Variants in RBFOX1 observed in about 807,000 individuals in gnomAD.
The protein encoded by RBFOX1 is RNA binding fox-1 homolog 1, also known as RNA binding protein fox-1 homolog 1.
In RBFOX1, 8 loss-of-function variants were observed where a neutral mutation model predicts 57.7. That is an observed-to-expected ratio of 0.14 (90% CI 0.08 to 0.25). The LOEUF is 0.25. Among genes scored for constraint, RBFOX1 ranks in the 10% least tolerant of loss-of-function variants. The pLI, the probability that RBFOX1 is intolerant of heterozygous loss-of-function variation, is 1.00. For missense variants in RBFOX1, 611 were observed against 548.5 expected, an observed-to-expected ratio of 1.11 and a Z score of -1.14; for synonymous variants, 326 against 222.4, an observed-to-expected ratio of 1.47 and a Z score of -4.15.
intron 4 of RBFOX1, among the ~76,000 whole-genome samples, chr16:7,272,395 G>A (rs1039662102): frequency 3.9e-5 from 6 of 152,086 alleles, no homozygotes; most frequent in African/African-American, 1.4e-4. Context: ...ATGTTGGCCA[G>A]GTTGGGCTTG....
In RBFOX1 at chr16:7,437,626, C is replaced by G. The variant is rs112593154; in HGVS notation, c.28-80521C>G. On this transcript the variant is annotated intron_variant, in intron 4 of 15. Transcript: ENST00000550418. Reference sequence around the variant, plus strand: ...AAAAATGGCTTTTATAACATAAAGGCTGTAATTAGAATAAGTCAAATCAGT... The same window carrying G: ...AAAAATGGCTTTTATAACATAAAGGGTGTAATTAGAATAAGTCAAATCAGT... Among the ~76,000 whole-genome samples, 163 of 152,210 alleles carry G rather than the reference C, an allele frequency of 1.1e-3. 1 individual carries two copies. Among genetic ancestry groups the G allele is most frequent in the African/African-American group, 3.7e-3 (153 of 41,536 alleles).
intron 14 of RBFOX1, chr16:7,693,386 T>C (rs1313694440): frequency 6.3e-7 from 1 of 1,593,638 alleles, no homozygotes; most frequent in South Asian, 1.1e-5. Flanking sequence ...CGTTGCTACT[T>C]CTTGATGCAT....
At chr16:7,255,197 G>C (rs560227122) in intron 4 of RBFOX1, among the ~76,000 whole-genome samples, 1 of 152,182 alleles carries the variant, frequency 6.6e-6, no homozygotes, top group Non-Finnish European at 1.5e-5. Context: ...TGAGGGTAGA[G>C]ATATGACTTG....
At chr16:7,082,125 A>G (rs1598959232) in intron 4 of RBFOX1, among the ~76,000 whole-genome samples, 3 of 152,282 alleles carry the variant, frequency 2.0e-5, no homozygotes, top group Admixed American at 2.0e-4. Flanking sequence ...ACTCCTTGGT[A>G]TCCTAATTCC....
chr16:6,698,588 AG>A (rs2061383429), intron 3 of RBFOX1, among the ~76,000 whole-genome samples: 1 of 152,158 alleles, frequency 6.6e-6, no homozygotes. Context: ...TATTTGCCAG[AG>A]CCCCACAGGG....
intron 4 of RBFOX1, among the ~76,000 whole-genome samples, chr16:7,355,864 C>T (rs903212138): frequency 6.6e-6 from 1 of 152,248 alleles, no homozygotes; most frequent in Admixed American, 6.5e-5. Context: ...TTGCAGCTCC[C>T]TCCACCTGCT....
At chr16:6,687,667 A>G (rs2059628685) in intron 3 of RBFOX1, among the ~76,000 whole-genome samples, 1 of 152,170 alleles carries the variant, frequency 6.6e-6, no homozygotes, top group African/African-American at 2.4e-5. Flanking sequence ...CTCCTGTTTC[A>G]TCTAGCTGTA....
At chr16:5,295,561 C>T (rs966352312) in intron 1 of RBFOX1, among the ~76,000 whole-genome samples, 3 of 152,264 alleles carry the variant, frequency 2.0e-5, no homozygotes, top group African/African-American at 7.2e-5. Context: ...GCATTCAGTT[C>T]CTTGCAGGCT....
Position 5,803,273 on chromosome 16 carries a change from G to C in RBFOX1, c.319-64030G>C, listed in dbSNP as rs565921568. On this transcript the variant is annotated intron_variant, in intron 3 of 19. Transcript: ENST00000641259. ...TTTGGCCTGAGCTTGGTTCGTCTCTGACAAACACAGGCTCTAAGAGTTCCT... is the reference window on the plus strand; with the variant it reads ...TTTGGCCTGAGCTTGGTTCGTCTCTCACAAACACAGGCTCTAAGAGTTCCT... Among the ~76,000 whole-genome samples, 3 of 152,288 alleles carry C rather than the reference G, an allele frequency of 2.0e-5. No individual in the cohort carries two copies. In the South Asian group the frequency reaches 6.2e-4, roughly 32 times the overall value.
At chr16:6,740,679 C>G (rs2071787808) in intron 3 of RBFOX1, among the ~76,000 whole-genome samples, 1 of 152,108 alleles carries the variant, frequency 6.6e-6, no homozygotes, top group Non-Finnish European at 1.5e-5. Flanking sequence ...TCTAACAGGA[C>G]TTGTATGCTG....
At chr16:6,590,593 C>T (rs894836248) in intron 2 of RBFOX1, among the ~76,000 whole-genome samples, 1 of 152,144 alleles carries the variant, frequency 6.6e-6, no homozygotes, top group Admixed American at 6.6e-5. Flanking sequence ...TTTCACAAAG[C>T]AGTTCTCAGC....
chr16:7,563,762 C>T lies in RBFOX1; in HGVS notation c.271-16015C>T, dbSNP rs2152701084. ...GGATTACAGGGCTGAGCCACCGCAC[C>T]CACTCTATTATATATTTTAACTACC... On this transcript the variant is annotated intron_variant, in intron 5 of 15. Transcript: ENST00000550418. 2.6e-5 allele frequency among the ~76,000 whole-genome samples: 4 copies of T among 152,232 alleles called. No homozygotes were observed. The Middle Eastern group carries it at 0.014, about 518-fold the overall frequency.
At chr16:7,701,323 C>T (rs575591339) in intron 14 of RBFOX1, among the ~76,000 whole-genome samples, 38 of 151,894 alleles carry the variant, frequency 2.5e-4, no homozygotes, top group Admixed American at 5.2e-4. Flanking sequence ...GGGTGAGCAA[C>T]GCTTCCTGTT....
chr16:6,817,833 C>T (rs1331639852), intron 3 of RBFOX1, among the ~76,000 whole-genome samples: 1 of 152,164 alleles, frequency 6.6e-6, no homozygotes, highest in Non-Finnish European at 1.5e-5. Flanking sequence ...TTCATGAAGT[C>T]CCCTGTGAAT....
intron 2 of RBFOX1, among the ~76,000 whole-genome samples, chr16:6,519,302 T>G (rs1024850834): frequency 5.3e-5 from 8 of 152,178 alleles, no homozygotes; most frequent in Middle Eastern, 3.2e-3. Context: ...GGTGATACTA[T>G]TGTGTTGCAT....
intron 3 of RBFOX1, among the ~76,000 whole-genome samples, chr16:5,661,170 C>T (rs765350926): frequency 6.6e-6 from 1 of 152,188 alleles, no homozygotes; most frequent in Non-Finnish European, 1.5e-5. Context: ...AAAGTTGAAT[C>T]TACTTTCCCA....
chr16:5,351,287 G>A (rs977758109), intron 1 of RBFOX1, among the ~76,000 whole-genome samples: 2 of 152,214 alleles, frequency 1.3e-5, no homozygotes, highest in African/African-American at 4.8e-5. Flanking sequence ...CGCTATGCCA[G>A]GGCTTTGACA....
At chr16:6,585,398 G>A (rs1031069587) in intron 2 of RBFOX1, among the ~76,000 whole-genome samples, 2 of 152,004 alleles carry the variant, frequency 1.3e-5, no homozygotes, top group African/African-American at 4.8e-5. Flanking sequence ...CTTTTACTTC[G>A]ACTCTTTTTT....
chr16:6,998,198 G>A (rs949084880), intron 3 of RBFOX1, among the ~76,000 whole-genome samples: 1 of 152,144 alleles, frequency 6.6e-6, no homozygotes, highest in African/African-American at 2.4e-5. Context: ...TGGTGGATTA[G>A]TAGTGATTTA....
Sources: gnomAD v4.1 joint callset for allele counts (sites outside exome capture counted in the v4.1 genomes callset) on GRCh38, gnomAD v4.1.1 for gene constraint, MANE v1.5 for transcripts, NCBI Gene and HGNC (gene_info 2026-07-23, HGNC 2026-07-21) for gene names.